The following CKAP2 variants were observed in gnomAD, a reference collection of about 807,000 sequenced individuals.
CKAP2 encodes the protein cytoskeleton-associated protein 2.
In CKAP2, 46 loss-of-function variants were observed where a neutral mutation model predicts 58.4. The observed-to-expected ratio is 0.79, with a 90% CI of 0.62 to 1.01. The LOEUF is 1.01. CKAP2 is among the 50% of genes least tolerant of loss of function. The pLI is 0.00. For synonymous variants in CKAP2, 293 were observed against 280.9 expected (o/e 1.04, Z -0.43); for missense variants, 809 against 796.4 (o/e 1.02, Z -0.19).
intron 6 of CKAP2, among the ~76,000 whole-genome samples, chr13:52,466,004 T>TAC (rs1008809128): frequency 2.0e-5 from 3 of 151,356 alleles, no homozygotes; most frequent in Non-Finnish European, 4.4e-5. Flanking sequence ...CACATATATA[T>TAC]ACACACATAC....
intron 7 of CKAP2, among the ~76,000 whole-genome samples, chr13:52,469,400 T>C (rs1012659100): frequency 6.6e-6 from 1 of 152,122 alleles, no homozygotes; most frequent in Non-Finnish European, 1.5e-5. Flanking sequence ...CTAGAAAAGC[T>C]CATTTAAGAA....
rs375041874 is a variant in CKAP2 at position 52,455,532 on chromosome 13, A to G, written c.-25A>G. 4 of 1,612,504 alleles carry G rather than the reference A, an allele frequency of 2.5e-6. No individual in the cohort carries two copies. Among genetic ancestry groups the G allele is most frequent in the African/African-American group, 1.3e-5 (1 of 74,886 alleles). On this transcript the variant is annotated 5_prime_UTR_variant, in exon 1 of 9. Coordinates refer to ENST00000258607, the MANE Select transcript of CKAP2 (RefSeq NM_018204.5). ...GTTCTATCTTGGCGCTAAAGCGGAG[A>G]CGCATCCCCCGACCCGAGGCTACGA...
intron 2 of CKAP2, 29 bp from the exon 3 acceptor site, chr13:52,460,870 G>C (rs1348338947): frequency 6.3e-7 from 1 of 1,599,804 alleles, no homozygotes. Context: ...AGGATTGATT[G>C]ATCATTTTGT....
At chr13:52,469,746 G>A (rs1304446953) in intron 7 of CKAP2, among the ~76,000 whole-genome samples, 3 of 150,504 alleles carry the variant, frequency 2.0e-5, no homozygotes, top group Non-Finnish European at 4.4e-5. Flanking sequence ...ACAGGCGCCC[G>A]CCACCGCGCC....
At chr13:52,461,954 A>G in intron 4 of CKAP2, 28 bp downstream of exon 4, 2 of 1,530,232 alleles carry the variant, frequency 1.3e-6, no homozygotes, top group South Asian at 1.3e-5. Flanking sequence ...TCTTTATTAC[A>G]TTAGTTTTCA....
chr13:52,466,830 T>TCAAAA (rs962405009), intron 6 of CKAP2, among the ~76,000 whole-genome samples: 4 of 152,038 alleles, frequency 2.6e-5, no homozygotes, highest in African/African-American at 9.7e-5. Context: ...GCATGATGGT[T>TCAAAA]CACGGCTGTA....
chr13:52,465,996 CAT>C lies in CKAP2; in HGVS notation c.1476+539_1476+540del, dbSNP rs574336603. On this transcript the variant is annotated intron_variant, in intron 6 of 8. Transcript: ENST00000258607. ...ACATATATGCACACATATATGCACACATATATATACACACATACACATATATA... is the reference window on the plus strand; with the variant it reads ...ACATATATGCACACATATATGCACACATATATACACACATACACATATATA... Among the ~76,000 whole-genome samples the C allele has an allele frequency of 2.5e-3, 377 of 151,646 alleles. 1 individual carries two copies. Among genetic ancestry groups the C allele is most frequent in the Non-Finnish European group, 4.3e-3 (293 of 67,866 alleles).
At position 52,461,845 on chromosome 13, in the gene CKAP2, T is replaced by C. The variant is rs1958589351; in HGVS notation, c.1019T>C (p.Val340Ala). The change falls in exon 4 of 9, where the codon GTT becomes GCT. Residue 340 changes from valine to alanine, a missense_variant. By Grantham distance (64) the Val-to-Ala change is moderately conservative (BLOSUM62 0). Around this residue, in one of 3 missense-constraint regions of CKAP2, gnomAD observed 523 missense variants for 492.4 expected, o/e 1.06. Transcript: ENST00000258607. ...AAACTGATGGAAAAGTCAGAGCCCG[T>C]TGACCAGCGAAGACATACTGCAGGA... The part of the protein sequence containing the change: ...NDKLMEKSEP[V>A]DQRRHTAGKA... 1.2e-6 allele frequency: 2 copies of C among 1,614,126 alleles called. No homozygotes were observed. The highest frequency in any genetic ancestry group is 1.3e-5 in the African/African-American group (1 of 75,038).
chr13:52,465,438 T>A lies in CKAP2; in HGVS notation c.1449T>A (p.Tyr483Ter). 4.3e-6 allele frequency: 7 copies of A among 1,613,572 alleles called. No homozygotes were observed. The highest frequency in any genetic ancestry group is 5.9e-6 in the Non-Finnish European group (7 of 1,179,662). Residue 483 changes from tyrosine to a stop codon, truncating the protein, a stop_gained, in exon 6 of 9, where the codon TAT (tyrosine) becomes TAA (stop). Transcript: ENST00000258607. LOFTEE classifies it high-confidence loss of function. ...CTATTGAAAATATTATTGCAATCTA[T>A]GAGAAAGCCATTCTGGCAGGGGCTC... ...TSPIENIIAI[Y>*]EKAILAGAQP...
In CKAP2 at chr13:52,462,520, G is replaced by A. The variant is rs779791311; in HGVS notation, c.1258G>A (p.Glu420Lys). 22 of 1,613,816 alleles carry A rather than the reference G, an allele frequency of 1.4e-5. No homozygotes were observed. In the East Asian group the frequency reaches 3.6e-4, roughly 26 times the overall value. ...AEEDEQRLFT[E>K]KVNNTFSECL... ...AGAAGATGAACAAAGATTATTTACTGAAAAAGTAAACAACACATTTTCTGA... is the reference window on the plus strand; with the variant it reads ...AGAAGATGAACAAAGATTATTTACTAAAAAAGTAAACAACACATTTTCTGA... The change falls in exon 5 of 9, where the codon GAA becomes AAA. Residue 420 changes from glutamate to lysine, a missense_variant. Physicochemically the swap from Glu to Lys is moderately conservative, Grantham distance 56. Around this residue, in one of 3 missense-constraint regions of CKAP2, gnomAD observed 523 missense variants for 492.4 expected, o/e 1.06. Transcript: ENST00000258607.
In CKAP2 at chr13:52,459,246, T is replaced by C. The variant is rs536066330; in HGVS notation, c.156-1653T>C. Among the ~76,000 whole-genome samples, 24 of 152,314 alleles carry C rather than the reference T, an allele frequency of 1.6e-4. 1 individual carries two copies. In the South Asian group the frequency reaches 1.9e-3, roughly 12 times the overall value. On this transcript the variant is annotated intron_variant, in intron 2 of 8. Transcript: ENST00000258607. The stretch of plus-strand genomic sequence containing the variant: ...TCCTTCTCCAAGCTGACAGAACAAA[T>C]AGATATGAAAGGCAATGTAAGCAAA...
chr13:52,455,895 G>A (rs1277439679), intron 1 of CKAP2: 11 of 1,091,052 alleles, frequency 1.0e-5, no homozygotes, highest in South Asian at 6.7e-5. Context: ...GGGGAAACGC[G>A]CGGGCCTCAG....
chr13:52,473,472 C>T, intron 7 of CKAP2: 1 of 183,218 alleles, frequency 5.5e-6, no homozygotes, highest in Non-Finnish European at 1.1e-5. Flanking sequence ...TTTTATGTGC[C>T]ATATGAAGGT....
intron 1 of CKAP2, chr13:52,456,119 T>C (rs891674562): frequency 9.8e-7 from 1 of 1,018,308 alleles, no homozygotes; most frequent in Admixed American, 5.8e-5. Context: ...CTAATATTGT[T>C]ATTCCCTTAT....
intron 2 of CKAP2, among the ~76,000 whole-genome samples, chr13:52,459,478 A>T (rs1295522066): frequency 6.6e-6 from 1 of 152,062 alleles, no homozygotes; most frequent in Admixed American, 6.5e-5. Context: ...ATTTGCCACC[A>T]TGCCTGGCCA....
chr13:52,468,630 C>G (rs1958717235), intron 7 of CKAP2, among the ~76,000 whole-genome samples: 1 of 152,150 alleles, frequency 6.6e-6, no homozygotes, highest in Non-Finnish European at 1.5e-5. Flanking sequence ...CTCCCACATG[C>G]AGTATTTAGT....
At chr13:52,462,220 A>G in intron 4 of CKAP2, 143 bp from the exon 5 acceptor site, 1 of 685,420 alleles carries the variant, frequency 1.5e-6, no homozygotes. Flanking sequence ...TGACGTTGAT[A>G]TGTTTAATAT....
At position 52,460,996 on chromosome 13, in the gene CKAP2, C is replaced by T. The variant is rs113062030; in HGVS notation, c.231+22C>T. The T allele has an allele frequency of 1.3e-5, 21 of 1,609,146 alleles. 1 individual carries two copies. Among genetic ancestry groups the T allele is most frequent in the African/African-American group, 8.1e-5 (6 of 74,472 alleles). On this transcript the variant is annotated intron_variant, in intron 3 of 8. Coordinates refer to ENST00000258607, the MANE Select transcript of CKAP2 (RefSeq NM_018204.5). ...AATGGTAAGATGTGGACATAGCACT[C>T]TTAAACTGTCCCCTTTTCCATTTTG... is the stretch of plus-strand genomic sequence containing the variant.
At chr13:52,456,898 AT>A (rs1311668839) in intron 2 of CKAP2, among the ~76,000 whole-genome samples, 163 of 146,166 alleles carry the variant, frequency 1.1e-3, no homozygotes, top group South Asian at 3.2e-3. Context: ...CGTTTTATTA[AT>A]TTTTTTTTTT....
Sources: allele counts gnomAD v4.1 joint callset (sites outside exome capture counted in the v4.1 genomes callset), GRCh38; gene constraint gnomAD v4.1.1; regional missense constraint gnomAD v4.1.1; transcripts MANE v1.5; gene names NCBI Gene and HGNC (gene_info 2026-07-23, HGNC 2026-07-21).